STON1: variants seen among roughly 807,000 people sequenced by gnomAD.
STON1 encodes stonin 1.
A neutral mutation model predicts 60.9 loss-of-function variants in STON1; 79 were observed. The ratio of observed to expected loss-of-function variants is 1.30; its 90% CI spans 1.08 to 1.56. The LOEUF (loss-of-function observed/expected upper bound fraction) is 1.56. STON1 is among the 40% of genes most tolerant of loss of function. The probability of loss-of-function intolerance (pLI) is 0.00; values close to 1 mark genes in which losing one functional copy is unlikely to be tolerated. For synonymous variants in STON1, 363 were observed against 306.9 expected, an observed-to-expected ratio of 1.18 and a Z score of -1.91; for missense variants, 1,166 against 858.9, an observed-to-expected ratio of 1.36 and a Z score of -4.47.
At chr2:48,543,005 C>T (rs1268429288) in intron 1 of STON1, among the ~76,000 whole-genome samples, 1 of 136,818 alleles carries the variant, frequency 7.3e-6, no homozygotes, top group Non-Finnish European at 1.5e-5. Context: ...GATAGAGTCT[C>T]ACTTTATTGC....
chr2:48,554,304 C>G (rs551873266), intron 1 of STON1, among the ~76,000 whole-genome samples: 1 of 152,332 alleles, frequency 6.6e-6, no homozygotes, highest in South Asian at 2.1e-4. Flanking sequence ...TCACTGCAAC[C>G]TCCACCTCCC....
At chr2:48,538,510 C>T (rs1671519979) in intron 1 of STON1, among the ~76,000 whole-genome samples, 1 of 151,846 alleles carries the variant, frequency 6.6e-6, no homozygotes, top group African/African-American at 2.4e-5. Flanking sequence ...TCGTAATTTT[C>T]TCTTAGGGTT....
chr2:48,569,483 G>A (rs938851743), intron 1 of STON1, among the ~76,000 whole-genome samples: 2 of 152,092 alleles, frequency 1.3e-5, no homozygotes, highest in African/African-American at 4.8e-5. Flanking sequence ...CTTAATTTGT[G>A]GAAAAGTGAA....
chr2:48,590,673 A>G (rs1674463740), intron 2 of STON1, among the ~76,000 whole-genome samples: 1 of 151,380 alleles, frequency 6.6e-6, no homozygotes, highest in African/African-American at 2.4e-5. Flanking sequence ...TATGACCCCC[A>G]TCTAAAATCT....
intron 1 of STON1, among the ~76,000 whole-genome samples, chr2:48,548,188 A>G (rs1237836737): frequency 6.6e-6 from 1 of 152,216 alleles, no homozygotes; most frequent in Non-Finnish European, 1.5e-5. Context: ...TTTTACAGGT[A>G]GTGGACTTCA....
At chr2:48,554,742 T>A (rs113938075) in intron 1 of STON1, among the ~76,000 whole-genome samples, 1,318 of 63,696 alleles carry the variant, frequency 0.021, 210 homozygotes, top group African/African-American at 0.07. Context: ...TTATTTATTT[T>A]TTTATTGATA....
intron 1 of STON1, among the ~76,000 whole-genome samples, chr2:48,560,497 A>C (rs1264923128): frequency 6.6e-6 from 1 of 152,206 alleles, no homozygotes; most frequent in Non-Finnish European, 1.5e-5. Flanking sequence ...GGCAGCCCTG[A>C]AAGCAGGCCT....
intron 1 of STON1, among the ~76,000 whole-genome samples, chr2:48,562,741 A>G (rs1468847998): frequency 6.6e-6 from 1 of 152,148 alleles, no homozygotes; most frequent in Non-Finnish European, 1.5e-5. Context: ...GCTCCTTTTA[A>G]TTGTGGCTCA....
intron 1 of STON1, among the ~76,000 whole-genome samples, chr2:48,534,768 C>T (rs578210887): frequency 2.6e-5 from 4 of 152,204 alleles, no homozygotes; most frequent in South Asian, 2.1e-4. Context: ...GGCAACAGAG[C>T]GAGACCCTGT....
chr2:48,555,400 G>A (rs1440034355), intron 1 of STON1, among the ~76,000 whole-genome samples: 1 of 68,018 alleles, frequency 1.5e-5, no homozygotes, highest in African/African-American at 5.4e-5. Context: ...GGGCGGCCGG[G>A]CAGAGGCGCC....
rs757301947 is a variant in STON1, at chr2:48,581,755, G to C, written c.1122G>C (p.Gln374His). The C allele has an allele frequency of 1.2e-6, 2 of 1,613,364 alleles. No homozygotes were observed. The highest frequency in any genetic ancestry group is 1.7e-6 in the Non-Finnish European group (2 of 1,179,930). Reference sequence around the variant, plus strand: ...TAGTTCATGAACCTGACATAGAGCAGATGCTGAAGTTGGGGTCCACATCGT... The same window carrying C: ...TAGTTCATGAACCTGACATAGAGCACATGCTGAAGTTGGGGTCCACATCGT... ...TEVVHEPDIE[Q>H]MLKLGSTSYH... Residue 374 changes from glutamine (Q) to histidine (H), a missense_variant, in exon 2 of 4, where the codon CAG becomes CAC. By Grantham distance (24) the Gln-to-His change is conservative. Coordinates refer to ENST00000404752, the MANE Select transcript of STON1 (RefSeq NM_006873.4).
rs1451269242 is a variant in STON1 at position 48,596,160 on chromosome 2, T to G, written c.*858T>G. ...GGACATATTTTGATAAAGTATTATT[T>G]GTAATGAACACAAGCCTCTCTTGAG... On this transcript the variant is annotated 3_prime_UTR_variant, in exon 4 of 4. Coordinates refer to ENST00000404752, the MANE Select transcript of STON1 (RefSeq NM_006873.4). The G allele has an allele frequency of 6.6e-6, 1 of 152,244 alleles. No homozygotes were observed. The highest frequency in any genetic ancestry group is 2.4e-5 in the African/African-American group (1 of 41,464). The allele number at this position is 152,244 out of a possible 1,614,324, so 9.4% of individuals were successfully genotyped here.
chr2:48,563,076 C>T (rs968877416), intron 1 of STON1, among the ~76,000 whole-genome samples: 1 of 152,168 alleles, frequency 6.6e-6, no homozygotes, highest in African/African-American at 2.4e-5. Flanking sequence ...GGAATGGTGA[C>T]ATGGTAAGGT....
chr2:48,593,047 A>G (rs1004959798), intron 3 of STON1, among the ~76,000 whole-genome samples: 10 of 152,314 alleles, frequency 6.6e-5, no homozygotes, highest in African/African-American at 1.9e-4. Context: ...TAGTAGATAT[A>G]TGGATGTCTC....
In STON1 at chr2:48,580,797, C is replaced by G. The variant is rs771380585; in HGVS notation, c.164C>G (p.Ser55Cys). 1 of 1,556,040 alleles carries G rather than the reference C, an allele frequency of 6.4e-7. No homozygotes were observed. Among genetic ancestry groups the G allele is most frequent in the Non-Finnish European group, 8.7e-7 (1 of 1,152,140 alleles). The change falls in exon 2 of 4, where the codon TCC (serine) becomes TGC (cysteine). Residue 55 changes from serine (S) to cysteine (C), a missense_variant. By Grantham distance (112) the Ser-to-Cys change is moderately radical. Coordinates refer to ENST00000404752, the MANE Select transcript of STON1 (RefSeq NM_006873.4). ...PGLREFPSGS[S>C]STSSTPLSSP... is the part of the protein sequence containing the mutation. ...CTCAGGGAATTTCCCAGTGGATCTTCCTCCACCAGCAGCACTCCTCTCTCC... is the reference window on the plus strand; with the variant it reads ...CTCAGGGAATTTCCCAGTGGATCTTGCTCCACCAGCAGCACTCCTCTCTCC...
chr2:48,590,871 G>A (rs1343474484), intron 2 of STON1, among the ~76,000 whole-genome samples: 1 of 152,114 alleles, frequency 6.6e-6, no homozygotes, highest in Non-Finnish European at 1.5e-5. Context: ...AATTACAGTA[G>A]GGAAAAATAA....
chr2:48,587,151 A>G (rs1416508424), intron 2 of STON1, among the ~76,000 whole-genome samples: 1 of 152,210 alleles, frequency 6.6e-6, no homozygotes, highest in Non-Finnish European at 1.5e-5. Flanking sequence ...GATGAGGCTC[A>G]GGTGTTGATG....
intron 1 of STON1, among the ~76,000 whole-genome samples, chr2:48,549,869 G>C (rs1672024148): frequency 6.6e-6 from 1 of 151,716 alleles, no homozygotes; most frequent in Non-Finnish European, 1.5e-5. Flanking sequence ...CAGGTTTGGA[G>C]GTAGGAACCT....
chr2:48,550,779 A>C (rs1425775514), intron 1 of STON1, among the ~76,000 whole-genome samples: 1 of 151,426 alleles, frequency 6.6e-6, no homozygotes, highest in Non-Finnish European at 1.5e-5. Flanking sequence ...GCAGTTCCTA[A>C]ATTTCAAGGT....
Sources: gnomAD v4.1 joint callset for allele counts (sites outside exome capture counted in the v4.1 genomes callset) on GRCh38, gnomAD v4.1.1 for gene constraint, MANE v1.5 for transcripts, NCBI Gene and HGNC (gene_info 2026-07-23, HGNC 2026-07-21) for gene names.